Variants in STARD13 observed in about 807,000 individuals in gnomAD.
STARD13 encodes StAR related lipid transfer domain containing 13, also known as stAR-related lipid transfer protein 13.
Under a neutral mutation model 106.4 loss-of-function variants are expected in STARD13, and 62 were observed. That is an observed-to-expected ratio of 0.58 (90% confidence interval 0.48 to 0.72). STARD13 has a LOEUF of 0.72. Among genes scored for constraint, STARD13 ranks in the 30% least tolerant of loss-of-function variants. The probability of loss-of-function intolerance (pLI) is 0.00; values close to 1 mark genes in which losing one functional copy is unlikely to be tolerated. For synonymous variants in STARD13, 565 were observed against 553.0 expected, an observed-to-expected ratio of 1.02 and a Z score of -0.31; for missense variants, 1,387 against 1,424.0, an observed-to-expected ratio of 0.97 and a Z score of 0.42.
At chr13:33,479,972 CCT>C in the STARD13 span, among the ~76,000 whole-genome samples, 11 of 152,146 alleles carry the variant, frequency 7.2e-5, no homozygotes, top group Non-Finnish European at 1.5e-4. Flanking sequence ...GCCAATTAAA[CCT>C]CTTTTCTTTA....
chr13:33,295,259 G>A (rs1427112162), intron 1 of STARD13, among the ~76,000 whole-genome samples: 1 of 152,134 alleles, frequency 6.6e-6, no homozygotes, highest in East Asian at 1.9e-4. Flanking sequence ...TAAAAATCCT[G>A]TAAAGAGAAG....
At chr13:33,251,500 T>C (rs1449160740) in intron 1 of STARD13, among the ~76,000 whole-genome samples, 1 of 152,228 alleles carries the variant, frequency 6.6e-6, no homozygotes, top group Non-Finnish European at 1.5e-5. Context: ...TTATCAAGCC[T>C]GAATAGCCAC....
the STARD13 span, among the ~76,000 whole-genome samples, chr13:33,385,576 T>C: frequency 1.3e-5 from 2 of 151,382 alleles, no homozygotes; most frequent in South Asian, 4.2e-4. Context: ...AAAGCTTAAC[T>C]TGGCTGGGCG....
intron 3 of STARD13, among the ~76,000 whole-genome samples, chr13:33,163,968 T>C (rs576784603): frequency 1.2e-4 from 18 of 152,082 alleles, no homozygotes; most frequent in Non-Finnish European, 2.2e-4. Flanking sequence ...CTGCTTGCTG[T>C]GTACCTTAGA....
At chr13:33,445,699 C>T in the STARD13 span, among the ~76,000 whole-genome samples, 9 of 152,052 alleles carry the variant, frequency 5.9e-5, no homozygotes, top group East Asian at 3.8e-4. Context: ...AGGCTATTTC[C>T]ACTCCTGGCT....
At chr13:33,242,862 C>T (rs1186295878) in intron 1 of STARD13, among the ~76,000 whole-genome samples, 3 of 152,160 alleles carry the variant, frequency 2.0e-5, no homozygotes, top group African/African-American at 7.2e-5. Context: ...TATTTGGAGG[C>T]TTAGCTGGTG....
At chr13:33,487,598 G>A in the STARD13 span, among the ~76,000 whole-genome samples, 4 of 152,048 alleles carry the variant, frequency 2.6e-5, no homozygotes, top group East Asian at 1.9e-4. Flanking sequence ...ATGAGATCCC[G>A]GTGCACTCAC....
chr13:33,275,282 T>C (rs575507032), intron 1 of STARD13, among the ~76,000 whole-genome samples: 3 of 152,330 alleles, frequency 2.0e-5, no homozygotes, highest in African/African-American at 7.2e-5. Flanking sequence ...ATAATAAACA[T>C]GATACAAAGT....
At chr13:33,572,978 A>G in the STARD13 span, among the ~76,000 whole-genome samples, 19 of 152,322 alleles carry the variant, frequency 1.2e-4, no homozygotes, top group Admixed American at 1.0e-3. Flanking sequence ...TTAATGCACA[A>G]GATGACCCAG....
At chr13:33,593,988 G>T in the STARD13 span, among the ~76,000 whole-genome samples, 1 of 152,156 alleles carries the variant, frequency 6.6e-6, no homozygotes, top group South Asian at 2.1e-4. Flanking sequence ...CTCACTGCAA[G>T]CTCTGTCTCC....
chr13:33,324,660 T>C (rs1893675435), intron 1 of STARD13, among the ~76,000 whole-genome samples: 1 of 152,236 alleles, frequency 6.6e-6, no homozygotes, highest in African/African-American at 2.4e-5. Context: ...ACTTCATTGC[T>C]TTCTGTTTTT....
chr13:33,121,901 G>A (rs985531913), intron 7 of STARD13, among the ~76,000 whole-genome samples: 6 of 151,126 alleles, frequency 4.0e-5, no homozygotes, highest in South Asian at 2.1e-4. Context: ...GTTGGAGTGC[G>A]ATGGCACGAT....
chr13:33,513,895 G>A, the STARD13 span, among the ~76,000 whole-genome samples: 2 of 152,144 alleles, frequency 1.3e-5, no homozygotes, highest in South Asian at 2.1e-4. Context: ...TTCACGTAAC[G>A]TAACAAGGAA....
chr13:33,499,597 C>CT, the STARD13 span, among the ~76,000 whole-genome samples: 277 of 59,138 alleles, frequency 4.7e-3, no homozygotes, highest in East Asian at 6.9e-3. Context: ...TCTTCTTCTT[C>CT]TTCTTCTTTC....
At chr13:33,470,833 C>T in the STARD13 span, among the ~76,000 whole-genome samples, 8 of 152,058 alleles carry the variant, frequency 5.3e-5, no homozygotes, top group East Asian at 1.9e-4. Flanking sequence ...AGCCCTTTGT[C>T]GGATGGATAG....
At chr13:33,487,036 T>C in the STARD13 span, among the ~76,000 whole-genome samples, 2 of 152,198 alleles carry the variant, frequency 1.3e-5, no homozygotes, top group East Asian at 1.9e-4. Context: ...TTAGAAAGTA[T>C]GGTTATTGGT....
intron 3 of STARD13, among the ~76,000 whole-genome samples, chr13:33,143,822 A>C (rs1880166755): frequency 6.6e-6 from 1 of 152,196 alleles, no homozygotes; most frequent in Non-Finnish European, 1.5e-5. Context: ...AAGTGCTGGG[A>C]TTACAGGCGT....
intron 1 of STARD13, among the ~76,000 whole-genome samples, chr13:33,270,712 TA>T (rs780013773): frequency 3.0e-4 from 45 of 152,196 alleles, no homozygotes; most frequent in African/African-American, 9.2e-4. Flanking sequence ...GTGTTCTACT[TA>T]AGGCTCATAT....
At chr13:33,157,177 C>T (rs1016096377) in intron 3 of STARD13, among the ~76,000 whole-genome samples, 12 of 152,100 alleles carry the variant, frequency 7.9e-5, no homozygotes, top group Non-Finnish European at 1.5e-4. Context: ...AATCCCCACC[C>T]CTGCCCCATG....
Sources: gnomAD v4.1 joint callset for allele counts (sites outside exome capture counted in the v4.1 genomes callset) on GRCh38, gnomAD v4.1.1 for gene constraint, MANE v1.5 for transcripts, NCBI Gene and HGNC (gene_info 2026-07-23, HGNC 2026-07-21) for gene names.